Variants in DPH6 observed in about 807,000 individuals in gnomAD.
DPH6 encodes the protein diphthine--ammonia ligase.
Under a neutral mutation model 38.2 loss-of-function variants are expected in DPH6, and 33 were observed. The observed-to-expected ratio is 0.86, with a 90% confidence interval of 0.65 to 1.15. The LOEUF (loss-of-function observed/expected upper bound fraction) is 1.15. Ranked by LOEUF, DPH6 falls within the 50% of genes most tolerant of loss-of-function variation. The pLI is 0.00. For missense variants in DPH6, 325 were observed against 320.0 expected, an observed-to-expected ratio of 1.02 and a Z score of -0.12; for synonymous variants, 108 against 103.0, an observed-to-expected ratio of 1.05 and a Z score of -0.30.
At chr15:35,467,321 T>C (rs2054139137) in intron 3 of DPH6, among the ~76,000 whole-genome samples, 1 of 152,160 alleles carries the variant, frequency 6.6e-6, no homozygotes, top group African/African-American at 2.4e-5. Context: ...TCCCAGCACT[T>C]TGGGAGGCCA....
intron 3 of DPH6, among the ~76,000 whole-genome samples, chr15:35,535,722 A>G (rs1407618074): frequency 6.6e-6 from 1 of 152,180 alleles, no homozygotes; most frequent in Non-Finnish European, 1.5e-5. Flanking sequence ...GATTAGCCAC[A>G]TGAAAAATCT....
chr15:35,498,799 A>C (rs1473310770), intron 3 of DPH6, among the ~76,000 whole-genome samples: 1 of 151,992 alleles, frequency 6.6e-6, no homozygotes, highest in Non-Finnish European at 1.5e-5. Context: ...AGATGCCGTC[A>C]AAGTGTATAT....
At chr15:35,286,254 C>G (rs1007048987) in intron 3 of DPH6, among the ~76,000 whole-genome samples, 1 of 152,138 alleles carries the variant, frequency 6.6e-6, no homozygotes, top group African/African-American at 2.4e-5. Context: ...AGACAAACAC[C>G]AAGAACTGGA....
chr15:35,264,828 C>G (rs2051773133), intron 3 of DPH6, among the ~76,000 whole-genome samples: 2 of 152,026 alleles, frequency 1.3e-5, no homozygotes, highest in African/African-American at 4.8e-5. Flanking sequence ...ATATTGTGTG[C>G]AAGATGTTCT....
chr15:35,451,803 A>G lies in DPH6; in HGVS notation c.387-1000T>C, dbSNP rs370649069. On this transcript the variant is annotated intron_variant, in intron 4 of 8. Transcript: ENST00000256538. ...AGGCGGGTGGATCACGAGGTCAGGA[A>G]ATCGAGACCATCCTGGCTAACACGG... Among the ~76,000 whole-genome samples the G allele has an allele frequency of 5.1e-3, 783 of 152,158 alleles. 9 individuals are homozygous for G. Among genetic ancestry groups the G allele is most frequent in the East Asian group, 0.01 (53 of 5,148 alleles).
intron 3 of DPH6, among the ~76,000 whole-genome samples, chr15:35,252,218 G>C (rs1296638279): frequency 1.3e-5 from 2 of 152,290 alleles, no homozygotes; most frequent in Non-Finnish European, 2.9e-5. Flanking sequence ...ATATCAGCCT[G>C]TTTAAGCCTC....
At chr15:35,202,203 TTTA>T in the DPH6 span, among the ~76,000 whole-genome samples, 1 of 151,796 alleles carries the variant, frequency 6.6e-6, no homozygotes, top group South Asian at 2.1e-4. Context: ...GTCTCTGCTA[TTTA>T]CAATATAGTG....
At chr15:35,522,847 T>C (rs1459166922) in intron 3 of DPH6, among the ~76,000 whole-genome samples, 3 of 152,152 alleles carry the variant, frequency 2.0e-5, no homozygotes, top group African/African-American at 4.8e-5. Flanking sequence ...ACAAATGCAT[T>C]GTAGAAAAAT....
At chr15:35,458,406 C>A (rs1036440399) in intron 3 of DPH6, among the ~76,000 whole-genome samples, 1 of 152,110 alleles carries the variant, frequency 6.6e-6, no homozygotes, top group South Asian at 2.1e-4. Flanking sequence ...CCTGAATAAT[C>A]CAGGGATAAG....
chr15:35,539,654 C>CA (rs2055222631), intron 2 of DPH6, among the ~76,000 whole-genome samples: 1 of 151,830 alleles, frequency 6.6e-6, no homozygotes, highest in Admixed American at 6.6e-5. Context: ...AAAATGTTCA[C>CA]AAAATGCTAT....
At chr15:35,264,291 A>T (rs914062706) in intron 3 of DPH6, among the ~76,000 whole-genome samples, 1 of 152,012 alleles carries the variant, frequency 6.6e-6, no homozygotes, top group Non-Finnish European at 1.5e-5. Context: ...TCTGACATTT[A>T]TTTCACCTAA....
chr15:35,223,371 T>C (rs769539229), intron 3 of DPH6, among the ~76,000 whole-genome samples: 1 of 152,062 alleles, frequency 6.6e-6, no homozygotes, highest in African/African-American at 2.4e-5. Context: ...CTCTTAAAAC[T>C]CCCACCTCCC....
chr15:35,264,118 T>C (rs1343140290), intron 3 of DPH6, among the ~76,000 whole-genome samples: 2 of 150,950 alleles, frequency 1.3e-5, no homozygotes, highest in African/African-American at 4.9e-5. Context: ...AATTCAAAGA[T>C]TAAAAAAAAA....
intron 6 of DPH6, among the ~76,000 whole-genome samples, chr15:35,405,370 C>T (rs1269882492): frequency 2.0e-5 from 3 of 151,792 alleles, no homozygotes; most frequent in Non-Finnish European, 4.4e-5. Context: ...TTTTAATGTC[C>T]ACTTCAATTT....
chr15:35,190,483 G>A, the DPH6 span, among the ~76,000 whole-genome samples: 3 of 152,182 alleles, frequency 2.0e-5, no homozygotes, highest in East Asian at 5.8e-4. Flanking sequence ...TGGGATTGCC[G>A]AACTGGCTGA....
At chr15:35,212,392 G>C (rs964235387), downstream of DPH6, among the ~76,000 whole-genome samples, 6 of 152,126 alleles carry the variant, frequency 3.9e-5, no homozygotes, top group Non-Finnish European at 5.9e-5. Context: ...TTTGATCCAG[G>C]ATTATGGGTC....
chr15:35,254,942 C>T (rs1007328252), intron 3 of DPH6, among the ~76,000 whole-genome samples: 14 of 152,068 alleles, frequency 9.2e-5, no homozygotes, highest in African/African-American at 2.9e-4. Context: ...CTACAAAGTA[C>T]ATTGATCAGT....
At chr15:35,306,710 G>A (rs985154276) in intron 3 of DPH6, among the ~76,000 whole-genome samples, 2 of 152,122 alleles carry the variant, frequency 1.3e-5, no homozygotes, top group African/African-American at 4.8e-5. Flanking sequence ...TCAAACTTTT[G>A]CTTTCATTCT....
At position 35,353,615 on chromosome 15, in the gene DPH6, A is replaced by C. The variant is rs151063915; in HGVS notation, n.207+19906T>G. 3.3e-3 allele frequency among the ~76,000 whole-genome samples: 496 copies of C among 151,982 alleles called. 5 individuals carry two copies. Among genetic ancestry groups the C allele is most frequent in the African/African-American group, 0.011 (467 of 41,442 alleles). ...AGATATGTGGCGTTATTTCTGAGGGATCTGTTCTGTTCCATTGGTCTATAT... is the reference window on the plus strand; with the variant it reads ...AGATATGTGGCGTTATTTCTGAGGGCTCTGTTCTGTTCCATTGGTCTATAT... On this transcript the variant is annotated intron_variant and non_coding_transcript_variant, in intron 3 of 3. Transcript: ENST00000558973.
Sources: gnomAD v4.1 joint callset for allele counts (sites outside exome capture counted in the v4.1 genomes callset) on GRCh38, gnomAD v4.1.1 for gene constraint, MANE v1.5 for transcripts, NCBI Gene and HGNC (gene_info 2026-07-23, HGNC 2026-07-21) for gene names.